CDH13: variants seen among roughly 807,000 people sequenced by gnomAD.
CDH13 encodes cadherin 13, also known as cadherin-13.
A neutral mutation model predicts 63.8 loss-of-function variants in CDH13; 24 were observed. The ratio of observed to expected loss-of-function variants is 0.38; its 90% CI spans 0.27 to 0.53. The LOEUF (loss-of-function observed/expected upper bound fraction) is 0.53, where lower values mean the gene tolerates loss of function less well. Among genes scored for constraint, CDH13 ranks in the 20% least tolerant of loss-of-function variants. The pLI, the probability that CDH13 is intolerant of heterozygous loss-of-function variation, is 0.85. For missense variants in CDH13, 1,049 were observed against 903.1 expected, an observed-to-expected ratio of 1.16 and a Z score of -2.07; for synonymous variants, 503 against 355.3, an observed-to-expected ratio of 1.42 and a Z score of -4.67.
chr16:82,693,583 C>G (rs576105696), intron 1 of CDH13, among the ~76,000 whole-genome samples: 1 of 152,318 alleles, frequency 6.6e-6, no homozygotes, highest in African/African-American at 2.4e-5. Context: ...TGTATAAGAA[C>G]CTCCAAGTAG....
At chr16:82,747,039 C>T (rs1025125989) in intron 1 of CDH13, among the ~76,000 whole-genome samples, 4 of 152,172 alleles carry the variant, frequency 2.6e-5, no homozygotes, top group Admixed American at 6.5e-5. Context: ...TCTATTCAGG[C>T]ATTTTCTAAG....
chr16:82,858,555 G>T, intron 2 of CDH13, 82 bp downstream of exon 2: 1 of 904,920 alleles, frequency 1.1e-6, no homozygotes, highest in Non-Finnish European at 1.8e-6. Flanking sequence ...CTCAGGATGT[G>T]GTATTTCCTA....
chr16:82,920,236 A>G (rs1287198227), intron 2 of CDH13, among the ~76,000 whole-genome samples: 1 of 152,100 alleles, frequency 6.6e-6, no homozygotes, highest in African/African-American at 2.4e-5. Context: ...TCCATTCCCC[A>G]TGCGTCACCC....
intron 2 of CDH13, among the ~76,000 whole-genome samples, chr16:82,901,043 G>C (rs1270609499): frequency 4.6e-5 from 7 of 150,918 alleles, no homozygotes; most frequent in Non-Finnish European, 1.0e-4. Flanking sequence ...CCCTCATAAG[G>C]TTGTTTCACA....
At chr16:83,578,633 T>A (rs1294508551) in intron 7 of CDH13, among the ~76,000 whole-genome samples, 1 of 152,210 alleles carries the variant, frequency 6.6e-6, no homozygotes, top group Non-Finnish European at 1.5e-5. Flanking sequence ...AATGAGCATC[T>A]ATTAATACTG....
At chr16:82,771,596 T>C (rs2035268557) in intron 1 of CDH13, among the ~76,000 whole-genome samples, 1 of 152,180 alleles carries the variant, frequency 6.6e-6, no homozygotes, top group Admixed American at 6.5e-5. Context: ...TTCAGTAACT[T>C]TCCCCAGTCC....
intron 1 of CDH13, chr16:82,829,120 C>G (rs72807812): frequency 0.15 from 22,375 of 152,138 alleles, 2,273 homozygotes; most frequent in Non-Finnish European, 0.21. Context: ...GTGGGAGAAC[C>G]TTTTCTTCAT....
chr16:83,147,018 G>A (rs944327558), intron 4 of CDH13, among the ~76,000 whole-genome samples: 2 of 152,104 alleles, frequency 1.3e-5, no homozygotes, highest in Admixed American at 1.3e-4. Context: ...AACTCAAGAG[G>A]TGGAGGCTAC....
rs1904655781 is a variant in CDH13, at chr16:83,689,713, G to A, written c.1538+11252G>A. On this transcript the variant is annotated intron_variant, in intron 10 of 13. Coordinates refer to ENST00000567109, the MANE Select transcript of CDH13 (RefSeq NM_001257.5). ...CTCACTAGAAGATCCGACCTTATAT[G>A]GCTGCTTCTAAGTATTCTTGGGTCC... Among the ~76,000 whole-genome samples the A allele has an allele frequency of 5.3e-5, 8 of 152,244 alleles. No individual in the cohort carries two copies. The South Asian group carries it at 1.5e-3, about 28-fold the overall frequency.
chr16:83,245,018 C>G (rs1157313911), intron 5 of CDH13, among the ~76,000 whole-genome samples: 1 of 152,016 alleles, frequency 6.6e-6, no homozygotes, highest in Non-Finnish European at 1.5e-5. Context: ...TTCCCCAAAT[C>G]ATCATTCCCA....
chr16:82,980,644 C>G (rs1337882186), intron 2 of CDH13, among the ~76,000 whole-genome samples: 5 of 152,134 alleles, frequency 3.3e-5, no homozygotes, highest in Non-Finnish European at 7.3e-5. Context: ...TCCGTGTTCT[C>G]TAGTAGAAGA....
chr16:83,176,512 GAAA>G (rs869250059), intron 4 of CDH13, among the ~76,000 whole-genome samples: 978 of 71,764 alleles, frequency 0.014, 10 homozygotes, highest in African/African-American at 0.036. Context: ...TCCAGCTAGA[GAAA>G]AAAAAAAAAA....
At chr16:83,226,713 C>T (rs745889908) in intron 5 of CDH13, among the ~76,000 whole-genome samples, 1 of 152,168 alleles carries the variant, frequency 6.6e-6, no homozygotes, top group Non-Finnish European at 1.5e-5. Context: ...TTTTGTCCAG[C>T]CCAGCAGCCC....
intron 5 of CDH13, among the ~76,000 whole-genome samples, chr16:83,340,539 C>T (rs1487075442): frequency 4.6e-5 from 7 of 152,202 alleles, no homozygotes; most frequent in African/African-American, 1.7e-4. Context: ...GGATTTCCAT[C>T]TCCAACCCCT....
rs149395833 is a variant in CDH13 at position 83,230,088 on chromosome 16, G to A, written c.636+12591G>A. Among the ~76,000 whole-genome samples the A allele has an allele frequency of 3.3e-5, 5 of 152,280 alleles. No homozygotes were observed. In the East Asian group the frequency reaches 9.7e-4, roughly 29 times the overall value. On this transcript the variant is annotated intron_variant, in intron 5 of 13. Coordinates refer to ENST00000567109, the MANE Select transcript of CDH13 (RefSeq NM_001257.5). The stretch of plus-strand genomic sequence containing the variant: ...TAAAAGGGGTAGACCCACAGCAGAG[G>A]TCTTGGTCAGAGGTCAGAAAGGCTG...
intron 6 of CDH13, among the ~76,000 whole-genome samples, chr16:83,354,500 G>C (rs2091016441): frequency 6.6e-6 from 1 of 152,094 alleles, no homozygotes; most frequent in African/African-American, 2.4e-5. Context: ...CACCTTCCTG[G>C]GAGGAGAAAG....
chr16:83,249,593 T>C (rs1905287389), intron 5 of CDH13, among the ~76,000 whole-genome samples: 1 of 152,206 alleles, frequency 6.6e-6, no homozygotes, highest in South Asian at 2.1e-4. Flanking sequence ...AAATGGGCAC[T>C]CAGAGAGGTA....
chr16:83,147,980 C>T (rs565123338), intron 4 of CDH13, among the ~76,000 whole-genome samples: 15 of 152,290 alleles, frequency 9.8e-5, no homozygotes, highest in African/African-American at 2.9e-4. Flanking sequence ...GTTGCCCAGG[C>T]TGGAGTACAG....
intron 6 of CDH13, among the ~76,000 whole-genome samples, chr16:83,374,421 A>G (rs1442639187): frequency 6.6e-6 from 1 of 152,204 alleles, no homozygotes; most frequent in Non-Finnish European, 1.5e-5. Context: ...GCCTTTAAAG[A>G]GACCATATTT....
Sources: allele counts gnomAD v4.1 joint callset (sites outside exome capture counted in the v4.1 genomes callset), GRCh38; gene constraint gnomAD v4.1.1; transcripts MANE v1.5; gene names NCBI Gene and HGNC (gene_info 2026-07-23, HGNC 2026-07-21).